Variants in NIN observed in about 807,000 individuals in gnomAD.
NIN encodes the protein glycogen synthase kinase 3 beta-interacting protein.
In NIN, 137 loss-of-function variants were observed where a neutral mutation model predicts 257.6. The observed-to-expected ratio is 0.53, with a 90% CI of 0.46 to 0.61. The LOEUF (loss-of-function observed/expected upper bound fraction) is 0.61. NIN is among the 20% of genes least tolerant of loss of function. The pLI, the probability that NIN is intolerant of heterozygous loss-of-function variation, is 0.00. For synonymous variants in NIN, 918 were observed against 919.8 expected (o/e 1.00, Z 0.04); for missense variants, 2,439 against 2,501.2 (o/e 0.98, Z 0.53).
chr14:50,759,762 T>A, intron 17 of NIN, 95 bp downstream of exon 17: 1 of 1,348,554 alleles, frequency 7.4e-7, no homozygotes, highest in Non-Finnish European at 1.0e-6. Context: ...GTGCTGGGAT[T>A]ACAGGCGTGA....
At chr14:50,762,668 A>G (rs1191243673) in intron 15 of NIN, among the ~76,000 whole-genome samples, 1 of 152,180 alleles carries the variant, frequency 6.6e-6, no homozygotes, top group Non-Finnish European at 1.5e-5. Flanking sequence ...GACACTGAAA[A>G]TGTGAAGCAT....
Position 50,722,469 on chromosome 14 carries a change from TAA to T in NIN, c.*992_*993del, listed in dbSNP as rs1243518153. The T allele has an allele frequency of 4.7e-6, 1 of 211,024 alleles. No individual in the cohort carries two copies. The highest frequency in any genetic ancestry group is 1.9e-4 in the South Asian group (1 of 5,334). 13.1% of individuals were successfully genotyped at this position (211,024 alleles called of 1,614,324 possible). ...AAATTCTAGTATGGCTGTAAATATA[TAA>T]GACAAATAAATGAGGTCACATGGTT... On this transcript the variant is annotated 3_prime_UTR_variant, in exon 31 of 31. Coordinates refer to ENST00000530997, the MANE Select transcript of NIN (RefSeq NM_020921.4).
chr14:50,824,151 C>T lies in NIN; in HGVS notation c.-21-2074G>A, dbSNP rs1003811082. On this transcript the variant is annotated intron_variant, in intron 2 of 30. Transcript: ENST00000530997. ...GCATATATGTTTAAAAACTCAAAAG[C>T]GAAAGAATTCTAACACTTCCCTTTT... Among the ~76,000 whole-genome samples, 18 of 152,208 alleles carry T rather than the reference C, an allele frequency of 1.2e-4. 1 individual carries two copies. The highest frequency in any genetic ancestry group is 3.6e-4 in the African/African-American group (15 of 41,514).
intron 21 of NIN, among the ~76,000 whole-genome samples, chr14:50,751,498 A>C (rs11624783): frequency 0.18 from 26,756 of 152,012 alleles, 2,808 homozygotes; most frequent in African/African-American, 0.3. Context: ...GTGTTGTTTT[A>C]ATTTGCGTTT....
rs2042951471 is a variant in NIN, at chr14:50,777,073, T to A, written c.542A>T (p.Asp181Val). Reference sequence around the variant, plus strand: ...TTCTTGCAGTTTCTCTTCTATCCAGTCTTGGGGAGGGGAAGATCCACTCTG... The same window carrying A: ...TTCTTGCAGTTTCTCTTCTATCCAGACTTGGGGAGGGGAAGATCCACTCTG... The part of the protein sequence containing the change: ...ASQSGSSPPQ[D>V]WIEEKLQEVC... Residue 181 changes from aspartate to valine, a missense_variant, in exon 7 of 31, where the codon GAC becomes GTC. Coordinates refer to ENST00000530997, the MANE Select transcript of NIN (RefSeq NM_020921.4). 6.2e-7 allele frequency: 1 copy of A among 1,614,176 alleles called. No individual in the cohort carries two copies. The highest frequency in any genetic ancestry group is 8.5e-7 in the Non-Finnish European group (1 of 1,180,026).
intron 29 of NIN, chr14:50,727,187 T>A: frequency 1.3e-6 from 1 of 788,284 alleles, no homozygotes. Context: ...TCAAAGAACA[T>A]AGAGTTGGCA....
intron 3 of NIN, among the ~76,000 whole-genome samples, chr14:50,809,755 T>C (rs999143902): frequency 3.3e-5 from 5 of 152,214 alleles, no homozygotes; most frequent in Admixed American, 3.3e-4. Context: ...TCTAATTAAC[T>C]TCCAAGGCTT....
At chr14:50,780,547 C>A (rs769135397) in intron 5 of NIN, among the ~76,000 whole-genome samples, 5 of 152,212 alleles carry the variant, frequency 3.3e-5, no homozygotes, top group African/African-American at 1.2e-4. Context: ...AGGCAACCTA[C>A]GCTCATCTAC....
intron 5 of NIN, among the ~76,000 whole-genome samples, chr14:50,780,787 A>T (rs889347788): frequency 6.6e-6 from 1 of 152,242 alleles, no homozygotes; most frequent in African/African-American, 2.4e-5. Context: ...CATGCAGATT[A>T]CAATGGAAAG....
chr14:50,827,756 CAA>C (rs370926505), intron 2 of NIN, among the ~76,000 whole-genome samples: 10 of 107,110 alleles, frequency 9.3e-5, no homozygotes, highest in Admixed American at 1.1e-4. Context: ...GACTCCGTAT[CAA>C]AAAAAAAAAA....
At position 50,747,750 on chromosome 14, in the gene NIN, A is replaced by AAG. The variant is rs1555377242; in HGVS notation, c.5064+241_5064+242insCT. 2.1e-3 allele frequency among the ~76,000 whole-genome samples: 300 copies of AAG among 145,308 alleles called. 1 individual carries two copies. Among genetic ancestry groups the AAG allele is most frequent in the Middle Eastern group, 6.9e-3 (2 of 290 alleles). ...AAGGAAACTGTCTTAAAAAAAAAAA[A>AAG]GGGGGGGATTTTAGAGTGTACAACA... On this transcript the variant is annotated intron_variant, in intron 22 of 30. Coordinates refer to ENST00000530997, the MANE Select transcript of NIN (RefSeq NM_020921.4).
intron 30 of NIN, among the ~76,000 whole-genome samples, chr14:50,724,860 A>C (rs1302678720): frequency 6.6e-6 from 1 of 152,204 alleles, no homozygotes; most frequent in Non-Finnish European, 1.5e-5. Context: ...AGCTTTCTTT[A>C]AACTCCTGGG....
At chr14:50,763,794 G>C in intron 15 of NIN, 32 bp downstream of exon 15, 1 of 1,598,278 alleles carries the variant, frequency 6.3e-7, no homozygotes. Context: ...AAGAGTAAAG[G>C]CTTTATCTAC....
At chr14:50,724,564 TA>T (rs752841550) in intron 30 of NIN, among the ~76,000 whole-genome samples, 2 of 152,016 alleles carry the variant, frequency 1.3e-5, no homozygotes, top group Non-Finnish European at 2.9e-5. Context: ...TTCCTTTCCT[TA>T]AAAAAACACT....
chr14:50,825,631 G>A (rs946338435), intron 2 of NIN, among the ~76,000 whole-genome samples: 2 of 152,172 alleles, frequency 1.3e-5, no homozygotes, highest in African/African-American at 2.4e-5. Context: ...AATGGGGGTG[G>A]AGCCAAGATT....
chr14:50,722,659 C>A lies in NIN; in HGVS notation c.*804G>T. On this transcript the variant is annotated 3_prime_UTR_variant, in exon 31 of 31. Coordinates refer to ENST00000530997, the MANE Select transcript of NIN (RefSeq NM_020921.4). The stretch of plus-strand genomic sequence containing the variant: ...GCTTATCCCTCTTTTCTAAGAGTAG[C>A]TATTTACTCCAAAGTGGTTTGTTCA... The A allele has an allele frequency of 4.6e-6, 1 of 216,434 alleles. No individual in the cohort carries two copies. Among genetic ancestry groups the A allele is most frequent in the Non-Finnish European group, 9.3e-6 (1 of 107,080 alleles). The allele number at this position is 216,434 out of a possible 1,614,324, so 13.4% of individuals were successfully genotyped here. A position where few individuals can be genotyped will look rare whatever the true frequency, so the allele number is the denominator to read the frequency against.
Position 50,804,073 on chromosome 14 carries a change from T to C in NIN, c.265+2664A>G, listed in dbSNP as rs566099082. The stretch of plus-strand genomic sequence containing the variant: ...ACCACACCTGGCTAATTTTTTGTAT[T>C]GTTAGTAGAGACGGGGTTTCGTCAC... On this transcript the variant is annotated intron_variant, in intron 4 of 30. Transcript: ENST00000530997. Among the ~76,000 whole-genome samples the C allele has an allele frequency of 5.9e-5, 9 of 152,124 alleles. No homozygotes were observed. In the East Asian group the frequency reaches 1.4e-3, roughly 23 times the overall value.
intron 5 of NIN, among the ~76,000 whole-genome samples, chr14:50,789,965 T>C (rs2043515527): frequency 6.6e-6 from 1 of 152,250 alleles, no homozygotes; most frequent in Admixed American, 6.5e-5. Context: ...GTGAAGGCAG[T>C]GAGTGTGACC....
At chr14:50,733,664 G>C (rs1186262085) in intron 28 of NIN, among the ~76,000 whole-genome samples, 2 of 152,164 alleles carry the variant, frequency 1.3e-5, no homozygotes, top group Non-Finnish European at 2.9e-5. Flanking sequence ...AGAGCCTCTG[G>C]AAAGGCTCTC....
Sources: allele counts gnomAD v4.1 joint callset (sites outside exome capture counted in the v4.1 genomes callset), GRCh38; gene constraint gnomAD v4.1.1; transcripts MANE v1.5; gene names NCBI Gene and HGNC (gene_info 2026-07-23, HGNC 2026-07-21).